Variants in CLVS1 observed in about 807,000 individuals in gnomAD.
The protein encoded by CLVS1 is clavesin 1.
CLVS1 carries 10 observed loss-of-function variants against 33.1 expected under a neutral mutation model. The observed-to-expected ratio is 0.30, with a 90% CI of 0.19 to 0.51. The LOEUF (loss-of-function observed/expected upper bound fraction) is 0.51, where lower values mean the gene tolerates loss of function less well. Ranked by LOEUF, CLVS1 falls within the 20% of genes least tolerant of loss-of-function variation. The probability of loss-of-function intolerance (pLI) is 0.97; values close to 1 mark genes in which losing one functional copy is unlikely to be tolerated. For missense variants in CLVS1, 343 were observed against 433.4 expected (o/e 0.79, Z 1.85); for synonymous variants, 163 against 166.1 (o/e 0.98, Z 0.14).
chr8:61,063,306 A>AGAGAGAGAGAGAGC (rs1193907747), intron 1 of CLVS1, among the ~76,000 whole-genome samples: 1 of 145,264 alleles, frequency 6.9e-6, no homozygotes, highest in East Asian at 2.0e-4. Context: ...AGAGAGAGAG[A>AGAGAGAGAGAGAGC]GAGAACAGTC....
At chr8:61,320,581 C>T (rs1811159876) in intron 2 of CLVS1, among the ~76,000 whole-genome samples, 1 of 152,164 alleles carries the variant, frequency 6.6e-6, no homozygotes, top group Admixed American at 6.5e-5. Flanking sequence ...ATGTATTTCT[C>T]ACAGTTCTGG....
intron 5 of CLVS1, among the ~76,000 whole-genome samples, chr8:61,483,484 C>A (rs201162085): frequency 3.3e-5 from 5 of 152,080 alleles, no homozygotes; most frequent in Non-Finnish European, 5.9e-5. Flanking sequence ...CAGGACCAGA[C>A]GGATTCACAG....
intron 5 of CLVS1, among the ~76,000 whole-genome samples, chr8:61,473,638 G>A (rs1327897174): frequency 6.6e-6 from 1 of 152,202 alleles, no homozygotes; most frequent in Non-Finnish European, 1.5e-5. Flanking sequence ...GGAGATCATT[G>A]TAGCCTGGAT....
chr8:61,467,204 T>C, intron 5 of CLVS1, among the ~76,000 whole-genome samples: 1 of 152,164 alleles, frequency 6.6e-6, no homozygotes, highest in East Asian at 1.9e-4. Flanking sequence ...TAAATGCAGA[T>C]TGATCCAAAG....
intron 1 of CLVS1, among the ~76,000 whole-genome samples, chr8:61,119,388 G>A (rs561923096): frequency 7.8e-4 from 116 of 149,536 alleles, no homozygotes; most frequent in African/African-American, 2.7e-3. Flanking sequence ...AGTTAATATT[G>A]TTATGTGTGA....
the CLVS1 span, among the ~76,000 whole-genome samples, chr8:61,008,288 A>G: frequency 6.6e-6 from 1 of 152,106 alleles, no homozygotes; most frequent in Non-Finnish European, 1.5e-5. Context: ...AGGGAATACT[A>G]AAAATGAGAC....
chr8:61,118,843 A>C (rs1188193624), intron 1 of CLVS1, among the ~76,000 whole-genome samples: 1 of 152,142 alleles, frequency 6.6e-6, no homozygotes, highest in East Asian at 1.9e-4. Context: ...AAAAATGTAT[A>C]TTCTGTTGAT....
intron 2 of CLVS1, among the ~76,000 whole-genome samples, chr8:61,335,244 G>T (rs1216375297): frequency 6.6e-6 from 1 of 152,216 alleles, no homozygotes. Flanking sequence ...TAATCTTGTG[G>T]TGAATGTTAG....
intron 1 of CLVS1, among the ~76,000 whole-genome samples, chr8:61,102,384 T>C (rs1805466623): frequency 6.6e-6 from 1 of 152,250 alleles, no homozygotes; most frequent in African/African-American, 2.4e-5. Context: ...ATTGTTTTCT[T>C]AATTTAATTT....
At chr8:61,294,036 A>G (rs1810096507) in intron 1 of CLVS1, among the ~76,000 whole-genome samples, 1 of 152,166 alleles carries the variant, frequency 6.6e-6, no homozygotes, top group Non-Finnish European at 1.5e-5. Context: ...TACAGATTTT[A>G]TCTTTCTGAT....
chr8:60,984,170 T>C, the CLVS1 span, among the ~76,000 whole-genome samples: 1 of 152,194 alleles, frequency 6.6e-6, no homozygotes, highest in African/African-American at 2.4e-5. Flanking sequence ...AGGATATCTT[T>C]CTCATTCCAG....
chr8:61,485,527 G>A (rs1346784000), intron 5 of CLVS1, among the ~76,000 whole-genome samples: 1 of 152,260 alleles, frequency 6.6e-6, no homozygotes, highest in African/African-American at 2.4e-5. Flanking sequence ...CATTGTGGAA[G>A]GCAGTGTGGC....
intron 3 of CLVS1, among the ~76,000 whole-genome samples, chr8:61,423,451 A>C (rs902788589): frequency 2.6e-5 from 4 of 152,172 alleles, no homozygotes; most frequent in African/African-American, 9.6e-5. Flanking sequence ...CGAGCATAGA[A>C]ATATTATATA....
intron 1 of CLVS1, 23 bp from the exon 2 acceptor site, chr8:61,299,653 CT>C (rs1810357381): frequency 1.7e-6 from 1 of 580,274 alleles, no homozygotes; most frequent in Admixed American, 3.2e-5. Context: ...TCTTCTGTTT[CT>C]TTTGTGTGTA....
chr8:61,050,731 C>T, the CLVS1 span, among the ~76,000 whole-genome samples: 2 of 152,246 alleles, frequency 1.3e-5, no homozygotes, highest in African/African-American at 4.8e-5. Flanking sequence ...AGCCACTCAT[C>T]CATCTGGCCT....
chr8:61,387,360 C>G (rs928452895), intron 3 of CLVS1, among the ~76,000 whole-genome samples: 1 of 151,852 alleles, frequency 6.6e-6, no homozygotes, highest in African/African-American at 2.4e-5. Context: ...GCACTCCAGG[C>G]TGGGTGGCTG....
the CLVS1 span, among the ~76,000 whole-genome samples, chr8:61,019,770 T>C: frequency 6.6e-6 from 1 of 152,146 alleles, no homozygotes; most frequent in South Asian, 2.1e-4. Context: ...GGACCCTCTC[T>C]AAGGTCTTTA....
chr8:61,008,115 T>C, the CLVS1 span, among the ~76,000 whole-genome samples: 3 of 152,310 alleles, frequency 2.0e-5, no homozygotes, highest in South Asian at 6.2e-4. Flanking sequence ...CATTTATTAG[T>C]AGGGCAACTT....
chr8:61,261,975 CGTGTGTGTGTGTGT>C (rs57278209), intron 2 of CLVS1, among the ~76,000 whole-genome samples: 5,031 of 110,998 alleles, frequency 0.045, 135 homozygotes, highest in African/African-American at 0.09. Context: ...CTCATTGCTG[CGTGTGTGTGTGTGT>C]GTGTGTGTGT....
Sources: allele counts gnomAD v4.1 joint callset (sites outside exome capture counted in the v4.1 genomes callset), GRCh38; gene constraint gnomAD v4.1.1; transcripts MANE v1.5; gene names NCBI Gene and HGNC (gene_info 2026-07-23, HGNC 2026-07-21).